The following USP42 variants were observed in gnomAD, a reference collection of about 807,000 sequenced individuals.
USP42 encodes ubiquitin specific peptidase 42, also known as ubiquitin carboxyl-terminal hydrolase 42.
Under a neutral mutation model 113.0 loss-of-function variants are expected in USP42, and 23 were observed. The ratio of observed to expected loss-of-function variants is 0.20; its 90% CI spans 0.15 to 0.29. USP42 has a LOEUF of 0.29. Ranked by LOEUF, USP42 falls within the 10% of genes least tolerant of loss-of-function variation. The probability of loss-of-function intolerance (pLI) is 1.00; values close to 1 mark genes in which losing one functional copy is unlikely to be tolerated. For missense variants in USP42, 2,174 were observed against 1,779.8 expected (o/e 1.22, Z -3.99); for synonymous variants, 933 against 699.0 (o/e 1.33, Z -5.28).
At chr7:6,112,904 T>TC (rs1466514357) in intron 2 of USP42, among the ~76,000 whole-genome samples, 2 of 145,492 alleles carry the variant, frequency 1.4e-5, no homozygotes, top group African/African-American at 2.6e-5. Context: ...AAGTTTCTTT[T>TC]TTTTTTTTTT....
intron 12 of USP42, among the ~76,000 whole-genome samples, chr7:6,148,652 C>A (rs1361736472): frequency 6.6e-6 from 1 of 152,218 alleles, no homozygotes; most frequent in Non-Finnish European, 1.5e-5. Context: ...GCTAGTGTCA[C>A]AAGGAACACA....
intron 2 of USP42, among the ~76,000 whole-genome samples, chr7:6,111,630 T>G (rs1284522223): frequency 6.7e-6 from 1 of 148,878 alleles, no homozygotes; most frequent in African/African-American, 2.5e-5. Flanking sequence ...TGAGACGGAG[T>G]CTCGCTCTGT....
chr7:6,088,441 A>T, the USP42 span, among the ~76,000 whole-genome samples: 2 of 150,962 alleles, frequency 1.3e-5, no homozygotes, highest in African/African-American at 5.0e-5. Context: ...TATTTTTAGT[A>T]GAGACGGGGT....
intron 3 of USP42, among the ~76,000 whole-genome samples, chr7:6,120,296 G>T (rs1040951100): frequency 6.6e-6 from 1 of 152,080 alleles, no homozygotes; most frequent in Non-Finnish European, 1.5e-5. Flanking sequence ...CAGGTAGAGT[G>T]CAGTGCCACT....
chr7:6,086,206 T>G, the USP42 span, among the ~76,000 whole-genome samples: 1 of 143,756 alleles, frequency 7.0e-6, no homozygotes, highest in Non-Finnish European at 1.5e-5. Flanking sequence ...TGGCTAATTT[T>G]TTTTTTTTTT....
chr7:6,155,240 C>T (rs1197716605), intron 15 of USP42, 45 bp downstream of exon 15: 2 of 1,482,102 alleles, frequency 1.3e-6, no homozygotes, highest in South Asian at 1.3e-5. Context: ...GCGCTGCTGT[C>T]AGCAGTGGGG....
In USP42 at chr7:6,154,723, G is replaced by A; in HGVS notation, c.3169G>A (p.Asp1057Asn). Residue 1057 changes from aspartate to asparagine, a missense_variant, in exon 15 of 18, where the codon GAC becomes AAC. Asp to Asn is a conservative substitution (Grantham distance 23, BLOSUM62 1). Coordinates refer to ENST00000306177, the MANE Select transcript of USP42 (RefSeq NM_032172.3). ...GTTCTACCCCGACAGGCCGCGCTGG[G>A]ACAGGTGCCGGTACTACCATGACAG... ...EKFYPDRPRW[D>N]RCRYYHDRYA... is the part of the protein sequence containing the mutation. 1 of 1,589,202 alleles carries A rather than the reference G, an allele frequency of 6.3e-7. No homozygotes were observed.
intron 12 of USP42, 93 bp from the exon 13 acceptor site, chr7:6,149,490 A>G (rs1781910921): frequency 2.1e-6 from 3 of 1,461,558 alleles, no homozygotes; most frequent in Non-Finnish European, 1.8e-6. Flanking sequence ...AAAAAAAAAA[A>G]GCAAAATGGG....
chr7:6,123,422 G>T (rs1037402854), intron 3 of USP42, among the ~76,000 whole-genome samples: 1 of 152,120 alleles, frequency 6.6e-6, no homozygotes, highest in African/African-American at 2.4e-5. Flanking sequence ...CCAGCACTTT[G>T]GGAGGCCAAG....
the USP42 span, among the ~76,000 whole-genome samples, chr7:6,090,360 TTA>T: frequency 2.2e-5 from 3 of 138,402 alleles, no homozygotes; most frequent in Admixed American, 1.4e-4. Flanking sequence ...ATATATATAT[TTA>T]TATATATTTC....
Position 6,139,068 on chromosome 7 carries a change from C to A in USP42, c.554-24C>A. On this transcript the variant is annotated intron_variant, in intron 4 of 17. Coordinates refer to ENST00000306177, the MANE Select transcript of USP42 (RefSeq NM_032172.3). This position sits in a 1 kb window ranked among gnomAD's most constrained non-coding sequence, Gnocchi z 4.5. ...GGCTTATTACGTGTAATGATAAAGC[C>A]TTGTCTTTACCGAAATTTTACAGGT... 1 of 1,542,510 alleles carries A rather than the reference C, an allele frequency of 6.5e-7. No homozygotes were observed.
chr7:6,090,801 CAT>C, the USP42 span, among the ~76,000 whole-genome samples: 4,174 of 145,674 alleles, frequency 0.029, 404 homozygotes, highest in African/African-American at 0.099. Flanking sequence ...ATATATATAA[CAT>C]ATAGTTATAT....
chr7:6,102,601 T>TA (rs1168418342), upstream of USP42, among the ~76,000 whole-genome samples: 1 of 150,132 alleles, frequency 6.7e-6, no homozygotes, highest in Non-Finnish European at 1.5e-5. Context: ...TCTAAAAAAA[T>TA]AAAGATTAGC....
chr7:6,091,604 C>A, the USP42 span, among the ~76,000 whole-genome samples: 3,971 of 149,912 alleles, frequency 0.026, 91 homozygotes, highest in Non-Finnish European at 0.041. Flanking sequence ...CTCATTCTCA[C>A]CCCCATATTA....
In USP42 at chr7:6,111,232, A is replaced by G. The variant is rs754845275; in HGVS notation, c.99A>G (p.Ala33=). Residue 33 remains alanine, a synonymous_variant, in exon 2 of 18, where the codon GCA becomes GCG. Coordinates refer to ENST00000306177, the MANE Select transcript of USP42 (RefSeq NM_032172.3). ...CAGTCTCACCTGGAGACATGGATGCAGGTTCTGCCAGCTGGGGTGCTGTGT... is the reference window on the plus strand; with the variant it reads ...CAGTCTCACCTGGAGACATGGATGCGGGTTCTGCCAGCTGGGGTGCTGTGT... The part of the protein sequence containing the change: ...SEAVSPGDMD[A]GSASWGAVSS... The G allele has an allele frequency of 3.1e-6, 5 of 1,609,522 alleles. No homozygotes were observed. The highest frequency in any genetic ancestry group is 1.1e-5 in the South Asian group (1 of 90,354).
chr7:6,138,204 G>C (rs150641357), intron 4 of USP42, among the ~76,000 whole-genome samples: 1 of 152,106 alleles, frequency 6.6e-6, no homozygotes, highest in African/African-American at 2.4e-5. Flanking sequence ...GTAAAATTCA[G>C]TATATATGTT....
chr7:6,122,660 G>A (rs1780295720), intron 3 of USP42, among the ~76,000 whole-genome samples: 1 of 151,356 alleles, frequency 6.6e-6, no homozygotes, highest in East Asian at 2.0e-4. Context: ...TAGTAGAGAT[G>A]GGGTTTCAAC....
At chr7:6,095,516 A>C in the USP42 span, among the ~76,000 whole-genome samples, 3 of 151,182 alleles carry the variant, frequency 2.0e-5, no homozygotes, top group African/African-American at 7.4e-5. Flanking sequence ...AAAAATACAA[A>C]AAATTAGCTG....
At chr7:6,109,802 G>A (rs1157343328) in intron 1 of USP42, among the ~76,000 whole-genome samples, 1 of 149,776 alleles carries the variant, frequency 6.7e-6, no homozygotes, top group African/African-American at 2.5e-5. Flanking sequence ...CCAGGTTCAA[G>A]CGATTTTCCT....
Sources: allele counts gnomAD v4.1 joint callset (sites outside exome capture counted in the v4.1 genomes callset), GRCh38; gene constraint gnomAD v4.1.1; non-coding constraint Gnocchi (gnomAD v3.1); transcripts MANE v1.5; gene names NCBI Gene and HGNC (gene_info 2026-07-23, HGNC 2026-07-21).